The following FOXP1 variants were observed in gnomAD, a reference collection of about 807,000 sequenced individuals.
FOXP1 encodes the protein forkhead box protein P1.
In FOXP1, 15 loss-of-function variants were observed where a neutral mutation model predicts 98.2. The ratio of observed to expected loss-of-function variants is 0.15; its 90% CI spans 0.10 to 0.24. FOXP1 has a LOEUF of 0.24. Among genes scored for constraint, FOXP1 ranks in the 10% least tolerant of loss-of-function variants. The pLI, the probability that FOXP1 is intolerant of heterozygous loss-of-function variation, is 1.00. For synonymous variants in FOXP1, 371 were observed against 314.5 expected, an observed-to-expected ratio of 1.18 and a Z score of -1.90; for missense variants, 633 against 848.5, an observed-to-expected ratio of 0.75 and a Z score of 3.15.
intron 5 of FOXP1, among the ~76,000 whole-genome samples, chr3:71,237,556 T>C (rs2066905649): frequency 6.6e-6 from 1 of 152,180 alleles, no homozygotes; most frequent in Admixed American, 6.5e-5. Context: ...ACACTTTACA[T>C]ACTGTCATCA....
rs756412337 is a variant in FOXP1 at position 70,977,867 on chromosome 3, T to G, written c.1309A>C (p.Arg437=). The G allele has an allele frequency of 1.2e-6, 2 of 1,614,054 alleles. No individual in the cohort carries two copies. The highest frequency in any genetic ancestry group is 1.7e-6 in the Non-Finnish European group (2 of 1,180,028). ...TSMHTVGPIR[R]RYSDKYNVPI... ...ACGTTGTATTTGTCTGAGTACCGCC[T>G]GCGGATGGGTCCCACCGTGTGCATG... Residue 437 remains arginine (R), a synonymous_variant, in exon 15 of 21, where the codon AGG becomes CGG. Coordinates refer to ENST00000649528, the MANE Select transcript of FOXP1 (RefSeq NM_001349338.3).
intron 3 of FOXP1, among the ~76,000 whole-genome samples, chr3:71,475,032 C>T (rs1288339513): frequency 2.0e-5 from 3 of 152,120 alleles, no homozygotes; most frequent in African/African-American, 7.2e-5. Flanking sequence ...GTCAGGCAAG[C>T]TCAAGTCTGA....
chr3:71,268,244 C>T (rs2069935183), intron 5 of FOXP1, among the ~76,000 whole-genome samples: 1 of 151,704 alleles, frequency 6.6e-6, no homozygotes, highest in Non-Finnish European at 1.5e-5. Context: ...GCGCCCGCCA[C>T]CTCGCCCGGC....
intron 4 of FOXP1, among the ~76,000 whole-genome samples, chr3:71,301,201 T>C (rs1036751142): frequency 6.6e-6 from 1 of 152,338 alleles, no homozygotes; most frequent in East Asian, 1.9e-4. Flanking sequence ...TTTTGCAGCC[T>C]GACCAAAACC....
At chr3:71,284,694 T>C (rs1576763966) in intron 5 of FOXP1, among the ~76,000 whole-genome samples, 2 of 152,284 alleles carry the variant, frequency 1.3e-5, no homozygotes, top group African/African-American at 2.4e-5. Context: ...GATGATGTGG[T>C]ATACAACCAT....
intron 2 of FOXP1, among the ~76,000 whole-genome samples, chr3:71,578,348 T>TTTTTGCAA (rs2047890623): frequency 1.3e-5 from 2 of 152,222 alleles, no homozygotes; most frequent in East Asian, 3.8e-4. Context: ...TTATACTATG[T>TTTTTGCAA]TCTGACAGCC....
rs372287137 is a variant in FOXP1 at position 71,460,628 on chromosome 3, G to A, written c.-168+32798C>T. Among the ~76,000 whole-genome samples, 27 of 152,120 alleles carry A rather than the reference G, an allele frequency of 1.8e-4. No homozygotes were observed. The East Asian group carries it at 3.7e-3, about 21-fold the overall frequency. ...ACTTTTTTTGTATTTTAGTATACAC[G>A]GGGTTTTACCGTGTTGCCCAGGCTG... On this transcript the variant is annotated intron_variant, in intron 3 of 20. Transcript: ENST00000649528.
intron 4 of FOXP1, among the ~76,000 whole-genome samples, chr3:71,324,649 G>A (rs1260078642): frequency 6.6e-6 from 1 of 151,990 alleles, no homozygotes; most frequent in Admixed American, 6.6e-5. Flanking sequence ...ATAGCATTAG[G>A]AGATATACCT....
intron 5 of FOXP1, among the ~76,000 whole-genome samples, chr3:71,223,893 G>A (rs1436046319): frequency 6.6e-6 from 1 of 152,104 alleles, no homozygotes; most frequent in African/African-American, 2.4e-5. Flanking sequence ...GAAGTTTGCT[G>A]GATGGATGGA....
At chr3:71,314,445 T>G (rs2074927594) in intron 4 of FOXP1, among the ~76,000 whole-genome samples, 1 of 151,706 alleles carries the variant, frequency 6.6e-6, no homozygotes, top group African/African-American at 2.4e-5. Context: ...GGAGAATCAC[T>G]TGAACCCGGG....
At chr3:71,028,648 G>A (rs1212215980) in intron 11 of FOXP1, among the ~76,000 whole-genome samples, 1 of 152,202 alleles carries the variant, frequency 6.6e-6, no homozygotes, top group African/African-American at 2.4e-5. Context: ...GAACTGGGGG[G>A]CAGGGAATAG....
chr3:71,544,717 G>A (rs2045215404), intron 2 of FOXP1, among the ~76,000 whole-genome samples: 2 of 152,102 alleles, frequency 1.3e-5, no homozygotes, highest in Admixed American at 1.3e-4. Context: ...AGGTAAGAGA[G>A]ACAAAGGAGA....
intron 19 of FOXP1, chr3:70,968,689 C>T (rs1462191920): frequency 2.6e-5 from 4 of 152,142 alleles, no homozygotes; most frequent in African/African-American, 4.8e-5. Context: ...TTCTGCTGTC[C>T]TATTTTATAT....
chr3:70,988,179 CATG>C, intron 13 of FOXP1, 102 bp from the exon 14 acceptor site: 1 of 1,031,816 alleles, frequency 9.7e-7, no homozygotes, highest in East Asian at 2.4e-5. Context: ...CACCACAGCA[CATG>C]ATAAAATCAT....
At chr3:71,200,506 G>T (rs2063605180) in intron 5 of FOXP1, among the ~76,000 whole-genome samples, 1 of 152,192 alleles carries the variant, frequency 6.6e-6, no homozygotes, top group African/African-American at 2.4e-5. Flanking sequence ...TTGAGGTTCA[G>T]TGGGGGCAAA....
chr3:71,465,324 A>AAG (rs1553891927), intron 3 of FOXP1, among the ~76,000 whole-genome samples: 1 of 67,658 alleles, frequency 1.5e-5, no homozygotes, highest in Non-Finnish European at 3.7e-5. Context: ...AAAAAAAAAA[A>AAG]AAGAAGAAGA....
At chr3:71,260,316 G>A (rs2069008678) in intron 5 of FOXP1, among the ~76,000 whole-genome samples, 1 of 152,138 alleles carries the variant, frequency 6.6e-6, no homozygotes, top group Non-Finnish European at 1.5e-5. Flanking sequence ...GGCTCGGGGC[G>A]CGGGGGGAGA....
chr3:71,138,918 A>G (rs1349600664), intron 6 of FOXP1, among the ~76,000 whole-genome samples: 3 of 152,230 alleles, frequency 2.0e-5, no homozygotes, highest in Non-Finnish European at 2.9e-5. Flanking sequence ...TTAAAAAAAA[A>G]AAAGATATTT....
chr3:71,555,703 G>A (rs922271506), intron 2 of FOXP1, among the ~76,000 whole-genome samples: 1 of 152,056 alleles, frequency 6.6e-6, no homozygotes, highest in African/African-American at 2.4e-5. Flanking sequence ...ACTTAATATT[G>A]CTTCTCAGTG....
Sources: allele counts gnomAD v4.1 joint callset (sites outside exome capture counted in the v4.1 genomes callset), GRCh38; gene constraint gnomAD v4.1.1; transcripts MANE v1.5; gene names NCBI Gene and HGNC (gene_info 2026-07-23, HGNC 2026-07-21).